Variants in COL19A1 observed in about 807,000 individuals in gnomAD.
The protein encoded by COL19A1 is collagen type XIX alpha 1 chain, also known as collagen alpha-1(XIX) chain.
In COL19A1, 159 loss-of-function variants were observed where a neutral mutation model predicts 190.2. The observed-to-expected ratio is 0.84, with a 90% confidence interval of 0.73 to 0.95. The LOEUF is 0.95. Ranked by LOEUF, COL19A1 falls within the 40% of genes least tolerant of loss-of-function variation. The probability of loss-of-function intolerance (pLI) is 0.00; values close to 1 mark genes in which losing one functional copy is unlikely to be tolerated. For missense variants in COL19A1, 1,418 were observed against 1,431.9 expected (o/e 0.99, Z 0.16); for synonymous variants, 509 against 458.9 (o/e 1.11, Z -1.39).
Position 70,125,894 on chromosome 6 carries a change from A to G in COL19A1, c.1341+3952A>G, listed in dbSNP as rs200536930. ...TCCAGCTCTGGGGGTTTTAATAAAA[A>G]TTTGATAGGCTCTGTCAACTACTGA... On this transcript the variant is annotated intron_variant, in intron 17 of 50. Coordinates refer to ENST00000620364, the MANE Select transcript of COL19A1 (RefSeq NM_001858.6). Among the ~76,000 whole-genome samples the G allele has an allele frequency of 1.6e-4, 24 of 152,316 alleles. No homozygotes were observed. The East Asian group carries it at 4.0e-3, about 26-fold the overall frequency.
chr6:70,170,962 A>T (rs1253835331), intron 40 of COL19A1, among the ~76,000 whole-genome samples: 1 of 152,184 alleles, frequency 6.6e-6, no homozygotes, highest in Non-Finnish European at 1.5e-5. Context: ...GTCCTAAGAA[A>T]ATATTTGCAG....
intron 11 of COL19A1, among the ~76,000 whole-genome samples, chr6:69,969,825 G>A (rs985237243): frequency 6.6e-6 from 1 of 152,120 alleles, no homozygotes; most frequent in Non-Finnish European, 1.5e-5. Context: ...GAGGGTGGCT[G>A]GGCTAGTTTG....
At chr6:70,010,881 C>A (rs1319923159) in intron 11 of COL19A1, among the ~76,000 whole-genome samples, 1 of 106,608 alleles carries the variant, frequency 9.4e-6, no homozygotes, top group Non-Finnish European at 1.7e-5. Context: ...GCCTGCCTGC[C>A]TCTGTAGGCT....
Position 70,207,257 on chromosome 6 carries a change from C to T in COL19A1, c.3412C>T (p.Arg1138Cys), listed in dbSNP as rs781053045. The T allele has an allele frequency of 2.4e-5, 39 of 1,613,526 alleles. No individual in the cohort carries two copies. The South Asian group carries it at 2.5e-4, about 10-fold the overall frequency. ...CTATCCTGTGTCTCATGCCCATCAG[C>T]GCACAGGTGGGAATTGAACACACCT... ...CLYPVSHAHQ[R>C]TGGN Residue 1138 changes from arginine to cysteine, a missense_variant, in exon 51 of 51, where the codon CGC (arginine) becomes TGC (cysteine). Coordinates refer to ENST00000620364, the MANE Select transcript of COL19A1 (RefSeq NM_001858.6).
chr6:70,104,497 C>T (rs1339979035), intron 16 of COL19A1, among the ~76,000 whole-genome samples: 2 of 152,134 alleles, frequency 1.3e-5, no homozygotes, highest in Non-Finnish European at 2.9e-5. Flanking sequence ...AAACCACCCT[C>T]TTGACCCAAT....
intron 47 of COL19A1, among the ~76,000 whole-genome samples, chr6:70,189,058 A>T (rs1421777333): frequency 6.6e-6 from 1 of 152,208 alleles, no homozygotes; most frequent in Admixed American, 6.5e-5. Context: ...CATTAATTAA[A>T]GTTCATTAAT....
chr6:70,158,435 C>A (rs1787574781), intron 34 of COL19A1, among the ~76,000 whole-genome samples: 1 of 151,946 alleles, frequency 6.6e-6, no homozygotes, highest in African/African-American at 2.4e-5. Flanking sequence ...AGAGGGACAC[C>A]CCATCTCTTT....
intron 14 of COL19A1, among the ~76,000 whole-genome samples, chr6:70,044,797 G>C (rs1174207414): frequency 1.3e-5 from 2 of 152,072 alleles, no homozygotes; most frequent in African/African-American, 4.8e-5. Context: ...TCTTGGGAAT[G>C]GATCATTTCC....
chr6:69,910,855 C>T (rs1770865225), intron 4 of COL19A1, among the ~76,000 whole-genome samples: 1 of 152,102 alleles, frequency 6.6e-6, no homozygotes. Flanking sequence ...TATCTTTAAT[C>T]TTAATTTGGC....
intron 2 of COL19A1, among the ~76,000 whole-genome samples, chr6:69,886,195 AAG>A (rs1187904555): frequency 2.0e-5 from 3 of 152,250 alleles, no homozygotes; most frequent in African/African-American, 7.2e-5. Context: ...TTCTACAAAA[AAG>A]AGATAAAAAT....
chr6:69,881,550 A>G (rs1294642300), intron 2 of COL19A1, among the ~76,000 whole-genome samples: 1 of 152,192 alleles, frequency 6.6e-6, no homozygotes, highest in East Asian at 1.9e-4. Context: ...TTGTAGCTCT[A>G]GTATCTCAAC....
chr6:69,988,401 C>G (rs1029915508), intron 11 of COL19A1, among the ~76,000 whole-genome samples: 1 of 152,194 alleles, frequency 6.6e-6, no homozygotes, highest in African/African-American at 2.4e-5. Context: ...GGGTCTTCTG[C>G]CCTCCACCAT....
intron 2 of COL19A1, among the ~76,000 whole-genome samples, chr6:69,897,971 C>T (rs577973500): frequency 9.3e-4 from 141 of 152,242 alleles, no homozygotes; most frequent in Admixed American, 2.4e-3. Flanking sequence ...GATACCCTCT[C>T]ACCATGCCTG....
intron 14 of COL19A1, among the ~76,000 whole-genome samples, chr6:70,037,075 T>A (rs747950328): frequency 6.6e-6 from 1 of 152,200 alleles, no homozygotes; most frequent in Non-Finnish European, 1.5e-5. Flanking sequence ...AGCTTTTATT[T>A]TAAGCATGAA....
At chr6:70,064,336 A>G (rs1781039857) in intron 14 of COL19A1, among the ~76,000 whole-genome samples, 1 of 150,408 alleles carries the variant, frequency 6.6e-6, no homozygotes, top group South Asian at 2.1e-4. Context: ...CACAAATCAT[A>G]TAAACAGAAC....
intron 7 of COL19A1, 120 bp downstream of exon 7, chr6:69,932,983 A>G (rs1026840962): frequency 3.6e-6 from 2 of 553,352 alleles, no homozygotes; most frequent in African/African-American, 3.9e-5. Flanking sequence ...CAGGTGGGTA[A>G]TTTATTCCTA....
intron 4 of COL19A1, among the ~76,000 whole-genome samples, chr6:69,923,697 T>C (rs1325811699): frequency 2.0e-5 from 3 of 152,168 alleles, no homozygotes; most frequent in African/African-American, 7.2e-5. Flanking sequence ...CAGACACATA[T>C]TTCTATGTTA....
At chr6:70,034,350 A>G (rs780900027) in intron 13 of COL19A1, 52 bp downstream of exon 13, 3 of 1,357,796 alleles carry the variant, frequency 2.2e-6, no homozygotes, top group Non-Finnish European at 2.1e-6. Flanking sequence ...AACTCTGACA[A>G]CCTATGCAGT....
intron 11 of COL19A1, among the ~76,000 whole-genome samples, chr6:70,022,048 C>T (rs1180354845): frequency 6.6e-6 from 1 of 152,060 alleles, no homozygotes; most frequent in East Asian, 1.9e-4. Flanking sequence ...AGTAATAATA[C>T]ATATCCTTAG....
Sources: allele counts gnomAD v4.1 joint callset (sites outside exome capture counted in the v4.1 genomes callset), GRCh38; gene constraint gnomAD v4.1.1; transcripts MANE v1.5; gene names NCBI Gene and HGNC (gene_info 2026-07-23, HGNC 2026-07-21).